Variants in DOCK2 observed in about 807,000 individuals in gnomAD.
DOCK2 encodes dedicator of cytokinesis protein 2.
In DOCK2, 87 loss-of-function variants were observed where a neutral mutation model predicts 248.9. The ratio of observed to expected loss-of-function variants is 0.35; its 90% CI spans 0.29 to 0.42. The LOEUF is 0.42. Among genes scored for constraint, DOCK2 ranks in the 10% least tolerant of loss-of-function variants. The pLI is 1.00. For synonymous variants in DOCK2, 805 were observed against 821.6 expected (o/e 0.98, Z 0.35); for missense variants, 1,747 against 2,300.2 (o/e 0.76, Z 4.92).
chr5:169,686,923 C>T (rs1219119551), intron 8 of DOCK2, among the ~76,000 whole-genome samples: 1 of 152,136 alleles, frequency 6.6e-6, no homozygotes, highest in African/African-American at 2.4e-5. Context: ...TGGAATAGTA[C>T]TCCTCGTTCC....
intron 27 of DOCK2, among the ~76,000 whole-genome samples, chr5:169,850,111 TC>T: frequency 6.6e-6 from 1 of 152,178 alleles, no homozygotes; most frequent in East Asian, 1.9e-4. Context: ...AGCGGAAGCA[TC>T]CCCTCCACAG....
intron 26 of DOCK2, among the ~76,000 whole-genome samples, chr5:169,819,849 G>A (rs377467361): frequency 2.0e-5 from 3 of 152,342 alleles, no homozygotes; most frequent in African/African-American, 7.2e-5. Flanking sequence ...AACGCAAGGG[G>A]TCAGGGAATT....
chr5:169,665,012 CTA>C (rs1471471909), intron 2 of DOCK2, among the ~76,000 whole-genome samples: 9 of 140,700 alleles, frequency 6.4e-5, no homozygotes, highest in Non-Finnish European at 1.1e-4. Context: ...ATCAGCATAT[CTA>C]TATATGTTTA....
intron 38 of DOCK2, among the ~76,000 whole-genome samples, chr5:170,044,718 C>T (rs1016552329): frequency 6.6e-6 from 1 of 152,170 alleles, no homozygotes; most frequent in African/African-American, 2.4e-5. Flanking sequence ...CGTGGCTTCT[C>T]CACTCGGCAC....
chr5:169,949,191 C>G (rs1409444248), intron 27 of DOCK2, among the ~76,000 whole-genome samples: 1 of 152,198 alleles, frequency 6.6e-6, no homozygotes, highest in Non-Finnish European at 1.5e-5. Context: ...TCCTGATTAT[C>G]AATTCAACTC....
At chr5:170,065,968 T>A (rs79020152) in intron 44 of DOCK2, among the ~76,000 whole-genome samples, 3 of 151,554 alleles carry the variant, frequency 2.0e-5, no homozygotes, top group African/African-American at 7.3e-5. Flanking sequence ...TTTTTTTTTT[T>A]TGAGACAGAG....
chr5:170,034,567 T>C lies in DOCK2; in HGVS notation c.3624+12T>C. On this transcript the variant is annotated intron_variant, in intron 35 of 51. Coordinates refer to ENST00000520908, the MANE Select transcript of DOCK2 (RefSeq NM_004946.3). Reference sequence around the variant, plus strand: ...CCGTGAACCTGCTGGTGCGTGGGGCTGGCGGGTCCAAGTCAGACCAGAACC... The same window carrying C: ...CCGTGAACCTGCTGGTGCGTGGGGCCGGCGGGTCCAAGTCAGACCAGAACC... 7 of 1,613,810 alleles carry C rather than the reference T, an allele frequency of 4.3e-6. No individual in the cohort carries two copies. In the South Asian group the frequency reaches 6.6e-5, roughly 15 times the overall value.
chr5:169,802,972 T>C, intron 25 of DOCK2, 86 bp from the exon 26 acceptor site: 1 of 1,452,216 alleles, frequency 6.9e-7, no homozygotes, highest in Non-Finnish European at 9.3e-7. Flanking sequence ...GAACTATTTA[T>C]TTAATGAAAC....
intron 27 of DOCK2, among the ~76,000 whole-genome samples, chr5:169,944,393 C>T (rs1211494799): frequency 2.6e-5 from 4 of 152,342 alleles, no homozygotes; most frequent in African/African-American, 4.8e-5. Flanking sequence ...AAAAATAGAA[C>T]GTGGCAGCCG....
chr5:169,888,412 T>G (rs1773097653), intron 27 of DOCK2, among the ~76,000 whole-genome samples: 1 of 152,250 alleles, frequency 6.6e-6, no homozygotes, highest in South Asian at 2.1e-4. Context: ...AACACTTTAT[T>G]CTGTCCTCCC....
chr5:169,961,305 A>T (rs1777076455), intron 27 of DOCK2, among the ~76,000 whole-genome samples: 1 of 152,252 alleles, frequency 6.6e-6, no homozygotes, highest in African/African-American at 2.4e-5. Context: ...TTAAATTAAG[A>T]TGAATGGAAT....
chr5:169,865,419 G>C (rs201661626), intron 27 of DOCK2, among the ~76,000 whole-genome samples: 2 of 152,122 alleles, frequency 1.3e-5, no homozygotes, highest in Non-Finnish European at 2.9e-5. Flanking sequence ...AGACCTCAGG[G>C]ACTCTCAGCC....
chr5:169,976,381 A>G (rs2338809), intron 27 of DOCK2, among the ~76,000 whole-genome samples: 120,700 of 152,104 alleles, frequency 0.79, 48,609 homozygotes, highest in African/African-American at 0.95. Flanking sequence ...GTATAAAATG[A>G]GCATGAAGCT....
intron 25 of DOCK2, among the ~76,000 whole-genome samples, chr5:169,775,942 A>G (rs1038335627): frequency 2.2e-4 from 33 of 151,838 alleles, no homozygotes; most frequent in African/African-American, 7.7e-4. Flanking sequence ...GACCTCTGCT[A>G]GGCATGCTTC....
chr5:169,645,255 G>T (rs970431395), intron 1 of DOCK2, among the ~76,000 whole-genome samples: 1 of 152,194 alleles, frequency 6.6e-6, no homozygotes, highest in African/African-American at 2.4e-5. Flanking sequence ...CCCACCAACA[G>T]TGTAAAAGTA....
Position 169,675,790 on chromosome 5 carries a change from G to C in DOCK2, c.470+1345G>C, listed in dbSNP as rs1456096209. The stretch of plus-strand genomic sequence containing the variant: ...GAAGTTTCCCCAGCAGCCAGGCCAG[G>C]CTTTCTTGCCCTGACATAAGCACTA... On this transcript the variant is annotated intron_variant, in intron 6 of 51. Coordinates refer to ENST00000520908, the MANE Select transcript of DOCK2 (RefSeq NM_004946.3). Among the ~76,000 whole-genome samples the C allele has an allele frequency of 6.6e-5, 10 of 152,316 alleles. No individual in the cohort carries two copies. In the East Asian group the frequency reaches 1.9e-3, roughly 29 times the overall value.
chr5:169,926,886 G>GA (rs1456434344), intron 27 of DOCK2, among the ~76,000 whole-genome samples: 1 of 152,160 alleles, frequency 6.6e-6, no homozygotes, highest in African/African-American at 2.4e-5. Flanking sequence ...ACCAGTACAT[G>GA]AAAAATAATT....
chr5:169,675,097 T>C (rs1206936195), intron 6 of DOCK2, among the ~76,000 whole-genome samples: 1 of 152,224 alleles, frequency 6.6e-6, no homozygotes, highest in East Asian at 1.9e-4. Flanking sequence ...GTATGCAGTT[T>C]GATTATCCCC....
At chr5:169,997,867 G>T in intron 30 of DOCK2, 1 of 453,848 alleles carries the variant, frequency 2.2e-6, no homozygotes, top group South Asian at 1.6e-5. Flanking sequence ...TTCCTCTCTG[G>T]GCTTTCGCCT....
Sources: allele counts gnomAD v4.1 joint callset (sites outside exome capture counted in the v4.1 genomes callset), GRCh38; gene constraint gnomAD v4.1.1; transcripts MANE v1.5; gene names NCBI Gene and HGNC (gene_info 2026-07-23, HGNC 2026-07-21).